The following FOXP2 variants were observed in gnomAD, a reference collection of about 807,000 sequenced individuals.
The protein encoded by FOXP2 is forkhead box protein P2.
A neutral mutation model predicts 115.8 loss-of-function variants in FOXP2; 12 were observed. The ratio of observed to expected loss-of-function variants is 0.10; its 90% CI spans 0.07 to 0.17. The LOEUF (loss-of-function observed/expected upper bound fraction) is 0.17. FOXP2 is among the 10% of genes least tolerant of loss of function. FOXP2 has a pLI of 1.00. For synonymous variants in FOXP2, 328 were observed against 297.7 expected, an observed-to-expected ratio of 1.10 and a Z score of -1.05; for missense variants, 629 against 843.5, an observed-to-expected ratio of 0.75 and a Z score of 3.15.
chr7:114,394,744 A>G (rs1792698266), intron 2 of FOXP2, among the ~76,000 whole-genome samples: 1 of 152,166 alleles, frequency 6.6e-6, no homozygotes, highest in Non-Finnish European at 1.5e-5. Flanking sequence ...GACATCTACA[A>G]AATAACTGGC....
chr7:114,208,351 A>G (rs979154587), intron 1 of FOXP2, among the ~76,000 whole-genome samples: 18 of 152,182 alleles, frequency 1.2e-4, no homozygotes, highest in African/African-American at 4.1e-4. Context: ...CATTTGGAAC[A>G]GCTGTATTTA....
At chr7:114,250,783 C>A (rs1238444805) in intron 1 of FOXP2, among the ~76,000 whole-genome samples, 60 of 152,252 alleles carry the variant, frequency 3.9e-4, no homozygotes, top group Admixed American at 7.2e-4. Flanking sequence ...TTTTGCTGTG[C>A]AGAAGCTCTT....
At chr7:114,574,173 G>T (rs1265355530) in intron 3 of FOXP2, among the ~76,000 whole-genome samples, 1 of 151,652 alleles carries the variant, frequency 6.6e-6, no homozygotes, top group Non-Finnish European at 1.5e-5. Flanking sequence ...TGTGAAAATT[G>T]TGATTCTAAA....
At chr7:114,396,234 T>A (rs2129195450) in intron 2 of FOXP2, among the ~76,000 whole-genome samples, 1 of 152,142 alleles carries the variant, frequency 6.6e-6, no homozygotes, top group African/African-American at 2.4e-5. Flanking sequence ...TTGTTTTAAT[T>A]TTTTACTCCC....
At chr7:114,215,590 C>A (rs1794465947) in intron 1 of FOXP2, among the ~76,000 whole-genome samples, 1 of 151,558 alleles carries the variant, frequency 6.6e-6, no homozygotes, top group African/African-American at 2.4e-5. Context: ...AGGTGTATTC[C>A]TCTTTCTAGC....
At chr7:114,302,667 A>G (rs140164318) in intron 2 of FOXP2, among the ~76,000 whole-genome samples, 1 of 152,334 alleles carries the variant, frequency 6.6e-6, no homozygotes, top group East Asian at 1.9e-4. Flanking sequence ...GTGAGGGCAG[A>G]ACCTATGACT....
intron 2 of FOXP2, among the ~76,000 whole-genome samples, chr7:114,386,714 G>A (rs1205596065): frequency 1.3e-5 from 2 of 152,202 alleles, no homozygotes; most frequent in East Asian, 3.9e-4. Flanking sequence ...AGACAAGAGG[G>A]AAAAGGAGAG....
chr7:114,550,695 T>A (rs1478753873), intron 3 of FOXP2, among the ~76,000 whole-genome samples: 1 of 152,198 alleles, frequency 6.6e-6, no homozygotes, highest in Admixed American at 6.5e-5. Flanking sequence ...TTGGAAGCAA[T>A]GTGCATTATG....
At chr7:114,669,958 A>C (rs962092471) in intron 16 of FOXP2, 1 of 152,042 alleles carries the variant, frequency 6.6e-6, no homozygotes, top group Non-Finnish European at 1.5e-5. Context: ...TGTTGTGTCT[A>C]GAGATCAAAA....
intron 2 of FOXP2, among the ~76,000 whole-genome samples, chr7:114,428,218 C>A (rs979200323): frequency 6.6e-6 from 1 of 151,486 alleles, no homozygotes; most frequent in Non-Finnish European, 1.5e-5. Flanking sequence ...ATGAACATCG[C>A]AGTTGAGTAT....
intron 1 of FOXP2, among the ~76,000 whole-genome samples, chr7:114,115,069 G>T (rs578075955): frequency 5.9e-5 from 9 of 151,802 alleles, no homozygotes; most frequent in Admixed American, 4.6e-4. Context: ...TATAACTTCA[G>T]TCCGTCTACT....
chr7:114,564,944 A>C (rs868175461), intron 3 of FOXP2, among the ~76,000 whole-genome samples: 4 of 151,538 alleles, frequency 2.6e-5, no homozygotes, highest in African/African-American at 7.3e-5. Flanking sequence ...GGTGGTTGTT[A>C]TATCTTATTA....
chr7:114,396,286 G>A (rs960745239), intron 2 of FOXP2, among the ~76,000 whole-genome samples: 2 of 151,928 alleles, frequency 1.3e-5, no homozygotes, highest in Non-Finnish European at 2.9e-5. Flanking sequence ...GTCTGTGCCT[G>A]GTTTATTTCA....
chr7:114,251,180 T>C (rs1795432456), intron 1 of FOXP2, among the ~76,000 whole-genome samples: 1 of 151,604 alleles, frequency 6.6e-6, no homozygotes, highest in Non-Finnish European at 1.5e-5. Context: ...ACCAGTACCA[T>C]GCTGTTTTGG....
rs147068489 is a variant in FOXP2, at chr7:114,576,179, A to T, written c.258+41473A>T. Among the ~76,000 whole-genome samples the T allele has an allele frequency of 2.9e-3, 436 of 152,108 alleles. 3 individuals carry two copies. Among genetic ancestry groups the T allele is most frequent in the African/African-American group, 9.9e-3 (412 of 41,550 alleles). On this transcript the variant is annotated intron_variant, in intron 3 of 16. Coordinates refer to ENST00000350908, the MANE Select transcript of FOXP2 (RefSeq NM_014491.4). ...AGGGTTATTGTTAAAAACATTCCAG[A>T]TGCTGTATCCATCTGAAACAGAATA...
intron 1 of FOXP2, among the ~76,000 whole-genome samples, chr7:114,259,833 C>T (rs887085319): frequency 1.3e-5 from 2 of 152,098 alleles, no homozygotes; most frequent in Non-Finnish European, 2.9e-5. Flanking sequence ...AAAGATTTCT[C>T]TCTGTGGTAG....
chr7:114,151,871 T>A (rs1032860562), intron 1 of FOXP2, among the ~76,000 whole-genome samples: 1 of 152,024 alleles, frequency 6.6e-6, no homozygotes, highest in African/African-American at 2.4e-5. Flanking sequence ...CAGTGAGAGG[T>A]TATGTTCAGA....
intron 1 of FOXP2, among the ~76,000 whole-genome samples, chr7:114,237,655 TGTTTG>T (rs1333927317): frequency 6.6e-6 from 1 of 152,052 alleles, no homozygotes; most frequent in African/African-American, 2.4e-5. Flanking sequence ...CTTTTTTTTT[TGTTTG>T]TTTTTTAAAA....
intron 9 of FOXP2, among the ~76,000 whole-genome samples, 184 bp downstream of exon 9, chr7:114,652,474 T>C (rs1483619251): frequency 6.6e-6 from 1 of 152,138 alleles, no homozygotes. Flanking sequence ...GAAGGATTGC[T>C]GTAGTTTAAT....
Sources: gnomAD v4.1 joint callset for allele counts (sites outside exome capture counted in the v4.1 genomes callset) on GRCh38, gnomAD v4.1.1 for gene constraint, MANE v1.5 for transcripts, NCBI Gene and HGNC (gene_info 2026-07-23, HGNC 2026-07-21) for gene names.